CADPS: variants seen among roughly 807,000 people sequenced by gnomAD.
CADPS encodes the protein calcium-dependent secretion activator 1.
Under a neutral mutation model 167.3 loss-of-function variants are expected in CADPS, and 57 were observed. The ratio of observed to expected loss-of-function variants is 0.34; its 90% CI spans 0.28 to 0.42. The LOEUF is 0.42. Ranked by LOEUF, CADPS falls within the 20% of genes least tolerant of loss-of-function variation. The probability of loss-of-function intolerance (pLI) is 1.00; values close to 1 mark genes in which losing one functional copy is unlikely to be tolerated. For synonymous variants in CADPS, 676 were observed against 635.3 expected, an observed-to-expected ratio of 1.06 and a Z score of -0.96; for missense variants, 1,414 against 1,738.1, an observed-to-expected ratio of 0.81 and a Z score of 3.32.
intron 6 of CADPS, among the ~76,000 whole-genome samples, chr3:62,628,596 A>ACACT (rs1397258174): frequency 1.4e-5 from 2 of 138,204 alleles, no homozygotes; most frequent in South Asian, 4.8e-4. Flanking sequence ...ACACACACAC[A>ACACT]CTCTCTCTCT....
At chr3:62,721,122 T>G (rs1195447947) in intron 3 of CADPS, among the ~76,000 whole-genome samples, 1 of 127,968 alleles carries the variant, frequency 7.8e-6, no homozygotes, top group Admixed American at 7.7e-5. Flanking sequence ...CGGCAGGTTT[T>G]TTTTTTTTTT....
At chr3:62,564,216 T>C (rs2079702669) in intron 9 of CADPS, among the ~76,000 whole-genome samples, 1 of 152,094 alleles carries the variant, frequency 6.6e-6, no homozygotes, top group African/African-American at 2.4e-5. Flanking sequence ...TTAGCCAGGA[T>C]GGTCTAGATT....
chr3:62,811,374 T>C (rs2094386825), intron 1 of CADPS, among the ~76,000 whole-genome samples: 1 of 152,142 alleles, frequency 6.6e-6, no homozygotes, highest in South Asian at 2.1e-4. Context: ...AGTTATCTGC[T>C]TGTCATTTCC....
At chr3:62,860,998 C>A (rs1559975892) in intron 1 of CADPS, among the ~76,000 whole-genome samples, 1 of 152,250 alleles carries the variant, frequency 6.6e-6, no homozygotes, top group East Asian at 1.9e-4. Flanking sequence ...CTTGGGCACA[C>A]TGAAAGTTTT....
chr3:62,426,522 C>A (rs941047528), intron 28 of CADPS, among the ~76,000 whole-genome samples: 1 of 152,216 alleles, frequency 6.6e-6, no homozygotes, highest in East Asian at 1.9e-4. Flanking sequence ...GGAGTCATTT[C>A]TATGTGCCAT....
At chr3:62,585,056 T>C in intron 8 of CADPS, 129 bp downstream of exon 8, 1 of 875,580 alleles carries the variant, frequency 1.1e-6, no homozygotes, top group Non-Finnish European at 1.7e-6. Flanking sequence ...CAAAGTCGAA[T>C]ATTTTAATAT....
intron 1 of CADPS, among the ~76,000 whole-genome samples, chr3:62,802,058 C>G (rs1484435615): frequency 6.6e-6 from 1 of 151,968 alleles, no homozygotes; most frequent in African/African-American, 2.4e-5. Context: ...AGCTTTGCCT[C>G]CCAAAGCTGA....
intron 6 of CADPS, among the ~76,000 whole-genome samples, chr3:62,613,715 T>C (rs1346921683): frequency 2.6e-5 from 4 of 152,204 alleles, no homozygotes; most frequent in Non-Finnish European, 5.9e-5. Context: ...CAAAGGGATG[T>C]TGAGACCAGG....
At chr3:62,482,704 G>T (rs539226291) in intron 21 of CADPS, among the ~76,000 whole-genome samples, 177 of 152,272 alleles carry the variant, frequency 1.2e-3, no homozygotes, top group African/African-American at 4.1e-3. Context: ...CTTGGAAGTG[G>T]GACAGACACT....
chr3:62,425,599 C>G (rs953034370), intron 28 of CADPS, among the ~76,000 whole-genome samples: 3 of 152,194 alleles, frequency 2.0e-5, no homozygotes, highest in Admixed American at 6.5e-5. Flanking sequence ...CATTAAAAGA[C>G]AAAATTACAC....
At position 62,398,943 on chromosome 3, in the gene CADPS, T is replaced by A. The variant is rs1011087473; in HGVS notation, c.*463A>T. On this transcript the variant is annotated 3_prime_UTR_variant, in exon 30 of 30. Coordinates refer to ENST00000383710, the MANE Select transcript of CADPS (RefSeq NM_003716.4). Reference sequence around the variant, plus strand: ...GACTTGCCTTTTGTTTTTCAAAAAATAAAAATAAAAACACAAAGCAGATCT... The same window carrying A: ...GACTTGCCTTTTGTTTTTCAAAAAAAAAAAATAAAAACACAAAGCAGATCT... 6.6e-6 allele frequency: 1 copy of A among 152,478 alleles called. No individual in the cohort carries two copies. The highest frequency in any genetic ancestry group is 1.5e-5 in the Non-Finnish European group (1 of 68,114). The allele number at this position is 152,478 out of a possible 1,614,324, so 9.4% of individuals were successfully genotyped here.
intron 3 of CADPS, among the ~76,000 whole-genome samples, chr3:62,742,551 G>C (rs1039777445): frequency 1.9e-4 from 29 of 152,192 alleles, no homozygotes; most frequent in African/African-American, 7.0e-4. Flanking sequence ...AACAAATGGT[G>C]CTGGGATAAC....
chr3:62,412,914 A>C lies in CADPS; in HGVS notation c.3778-9729T>G, dbSNP rs149275454. 3.2e-4 allele frequency among the ~76,000 whole-genome samples: 49 copies of C among 152,318 alleles called. No individual in the cohort carries two copies. In the Middle Eastern group the frequency reaches 0.02, roughly 63 times the overall value. ...AAGTAAGTATGTTGCTTCTGAATCAATCTGATTGTCTAAAACCCAACAAGT... is the reference window on the plus strand; with the variant it reads ...AAGTAAGTATGTTGCTTCTGAATCACTCTGATTGTCTAAAACCCAACAAGT... On this transcript the variant is annotated intron_variant, in intron 28 of 29. Transcript: ENST00000383710. This position sits in a 1 kb window ranked among gnomAD's most constrained non-coding sequence, Gnocchi z 4.1.
rs1268225609 is a variant in CADPS, at chr3:62,514,581, A to C, written c.2581+1478T>G. On this transcript the variant is annotated intron_variant, in intron 16 of 29. Transcript: ENST00000383710. The surrounding 1 kb of genome is among the most constrained non-coding windows in gnomAD (Gnocchi z 4.2). ...ACAAAAGGAAATTACAGACCAGCTG[A>C]TCTACTTTGGAAATGAATGCATTTT... Among the ~76,000 whole-genome samples the C allele has an allele frequency of 1.3e-5, 2 of 152,290 alleles. No individual in the cohort carries two copies. The highest frequency in any genetic ancestry group is 3.9e-4 in the East Asian group (2 of 5,182).
chr3:62,865,734 G>C (rs1358775591), intron 1 of CADPS, among the ~76,000 whole-genome samples: 2 of 151,968 alleles, frequency 1.3e-5, no homozygotes, highest in African/African-American at 4.8e-5. Flanking sequence ...TTTCTACATA[G>C]CATATTCTTA....
At chr3:62,697,086 C>A (rs2080443874) in intron 3 of CADPS, among the ~76,000 whole-genome samples, 1 of 152,082 alleles carries the variant, frequency 6.6e-6, no homozygotes. Flanking sequence ...CTCATGGGAT[C>A]TTGGGCAAAT....
Position 62,478,446 on chromosome 3 carries a change from T to C in CADPS, c.3174-30A>G. On this transcript the variant is annotated intron_variant, in intron 22 of 29. Coordinates refer to ENST00000383710, the MANE Select transcript of CADPS (RefSeq NM_003716.4). The surrounding 1 kb of genome is among the most constrained non-coding windows in gnomAD (Gnocchi z 5.7). The stretch of plus-strand genomic sequence containing the variant: ...CAGGACAAAAATTAGAAAATGAGAG[T>C]CACCCACTGGCCTCAGGCTCTACAA... 1.3e-6 allele frequency: 2 copies of C among 1,599,172 alleles called. No individual in the cohort carries two copies. The highest frequency in any genetic ancestry group is 1.7e-6 in the Non-Finnish European group (2 of 1,171,488).
chr3:62,854,451 C>T (rs147629550), intron 1 of CADPS, among the ~76,000 whole-genome samples: 77 of 152,228 alleles, frequency 5.1e-4, no homozygotes, highest in Middle Eastern at 3.4e-3. Context: ...GAAAGACACT[C>T]CTATTAAAGA....
chr3:62,493,991 T>A (rs2064191162), intron 18 of CADPS, among the ~76,000 whole-genome samples: 1 of 152,220 alleles, frequency 6.6e-6, no homozygotes, highest in South Asian at 2.1e-4. Flanking sequence ...ATAAGATGAC[T>A]TATAAATTGA....
Sources: gnomAD v4.1 joint callset for allele counts (sites outside exome capture counted in the v4.1 genomes callset) on GRCh38, gnomAD v4.1.1 for gene constraint, Gnocchi (gnomAD v3.1) non-coding constraint, MANE v1.5 for transcripts, NCBI Gene and HGNC (gene_info 2026-07-23, HGNC 2026-07-21) for gene names.